The following MGMT variants were observed in gnomAD, a reference collection of about 807,000 sequenced individuals.
MGMT encodes methylated-DNA--protein-cysteine methyltransferase.
In MGMT, 14 loss-of-function variants were observed where a neutral mutation model predicts 15.9. That is an observed-to-expected ratio of 0.88 (90% CI 0.58 to 1.37). The LOEUF (loss-of-function observed/expected upper bound fraction) is 1.37. Ranked by LOEUF, MGMT falls within the 40% of genes most tolerant of loss-of-function variation. The pLI is 0.00. For missense variants in MGMT, 282 were observed against 268.1 expected (o/e 1.05, Z -0.36); for synonymous variants, 130 against 118.2 (o/e 1.10, Z -0.65).
At chr10:129,633,722 CAT>C (rs1384429535) in intron 2 of MGMT, among the ~76,000 whole-genome samples, 20 of 152,318 alleles carry the variant, frequency 1.3e-4, no homozygotes, top group South Asian at 1.2e-3. Context: ...CTTGCATAAA[CAT>C]GTGGTTATAT....
intron 1 of MGMT, among the ~76,000 whole-genome samples, chr10:129,471,457 C>T (rs560854387): frequency 1.3e-5 from 2 of 152,100 alleles, no homozygotes; most frequent in Non-Finnish European, 2.9e-5. Context: ...AAGAGGACTC[C>T]GGTGGGCAGC....
chr10:129,487,101 T>C (rs772757787), intron 1 of MGMT, among the ~76,000 whole-genome samples: 21 of 152,138 alleles, frequency 1.4e-4, no homozygotes, highest in Non-Finnish European at 2.6e-4. Context: ...AGCCTCCTGC[T>C]TGTTGAGATG....
At chr10:129,592,255 T>C (rs1294197880) in intron 2 of MGMT, among the ~76,000 whole-genome samples, 1 of 152,226 alleles carries the variant, frequency 6.6e-6, no homozygotes, top group East Asian at 1.9e-4. Context: ...TATTTGTTGC[T>C]AGTACTGAAT....
chr10:129,583,092 A>G (rs904127498), intron 2 of MGMT, among the ~76,000 whole-genome samples: 1 of 152,188 alleles, frequency 6.6e-6, no homozygotes, highest in African/African-American at 2.4e-5. Context: ...TCCTTCCATA[A>G]CAATGGGGAG....
intron 3 of MGMT, among the ~76,000 whole-genome samples, chr10:129,757,385 T>G (rs1482988778): frequency 6.6e-6 from 1 of 152,180 alleles, no homozygotes; most frequent in African/African-American, 2.4e-5. Context: ...TGTGCTCCGG[T>G]TAGGTTTGCA....
chr10:129,689,528 A>G (rs1305805626), intron 2 of MGMT, among the ~76,000 whole-genome samples: 1 of 152,216 alleles, frequency 6.6e-6, no homozygotes, highest in Non-Finnish European at 1.5e-5. Context: ...TTTGATTCTG[A>G]CTTTAATTCT....
chr10:129,572,758 T>G (rs1846434889), intron 2 of MGMT, among the ~76,000 whole-genome samples: 1 of 152,188 alleles, frequency 6.6e-6, no homozygotes, highest in Non-Finnish European at 1.5e-5. Flanking sequence ...GACTGTGCCA[T>G]TAAGAGTTGT....
intron 2 of MGMT, among the ~76,000 whole-genome samples, chr10:129,652,034 G>A (rs1245128170): frequency 1.3e-5 from 2 of 152,244 alleles, no homozygotes; most frequent in African/African-American, 4.8e-5. Flanking sequence ...GAGTGCCCGA[G>A]AGGAAAGGTT....
chr10:129,580,647 AGCTACAAAAGGATGCT>A lies in MGMT; in HGVS notation c.125+44272_125+44287del, dbSNP rs1846541477. 3.3e-5 allele frequency among the ~76,000 whole-genome samples: 5 copies of A among 152,294 alleles called. No homozygotes were observed. In the South Asian group the frequency reaches 1.0e-3, roughly 32 times the overall value. ...GCCTGGGCTTCTGTCTCTAACCACT[AGCTACAAAAGGATGCT>A]GGACAGACATCCTGTACCTAGGGAC... On this transcript the variant is annotated intron_variant, in intron 2 of 4. Coordinates refer to ENST00000651593, the MANE Select transcript of MGMT (RefSeq NM_002412.5).
intron 1 of MGMT, among the ~76,000 whole-genome samples, chr10:129,485,583 A>G (rs1355428016): frequency 6.6e-6 from 1 of 152,276 alleles, no homozygotes; most frequent in Non-Finnish European, 1.5e-5. Flanking sequence ...CTCAAAGGAA[A>G]TGCTTATTGG....
chr10:129,685,874 A>G (rs1453152472), intron 2 of MGMT, among the ~76,000 whole-genome samples: 1 of 152,230 alleles, frequency 6.6e-6, no homozygotes, highest in African/African-American at 2.4e-5. Flanking sequence ...TTGAATAAGA[A>G]ACGTTTCTAT....
At chr10:129,476,226 C>T (rs1016342029) in intron 1 of MGMT, among the ~76,000 whole-genome samples, 4 of 152,212 alleles carry the variant, frequency 2.6e-5, no homozygotes, top group Non-Finnish European at 5.9e-5. Flanking sequence ...CTCCCAGAGC[C>T]TGGGTCACTT....
intron 1 of MGMT, among the ~76,000 whole-genome samples, chr10:129,519,825 G>A (rs910965308): frequency 2.6e-5 from 4 of 152,160 alleles, no homozygotes; most frequent in African/African-American, 9.7e-5. Flanking sequence ...GCTCGTGGGT[G>A]TTGACTTGTG....
chr10:129,658,038 G>T (rs1162607396), intron 2 of MGMT, among the ~76,000 whole-genome samples: 1 of 152,152 alleles, frequency 6.6e-6, no homozygotes, highest in African/African-American at 2.4e-5. Context: ...ATCTCTGGGG[G>T]TCTTTCAAAA....
At chr10:129,758,817 G>A (rs1007135861) in intron 3 of MGMT, among the ~76,000 whole-genome samples, 2 of 152,146 alleles carry the variant, frequency 1.3e-5, no homozygotes, top group Non-Finnish European at 2.9e-5. Context: ...TTAACCAGCA[G>A]TACAAAAGAT....
intron 2 of MGMT, among the ~76,000 whole-genome samples, chr10:129,703,993 C>T (rs746532325): frequency 9.2e-5 from 14 of 152,064 alleles, no homozygotes; most frequent in Non-Finnish European, 1.5e-4. Flanking sequence ...AGGAGGGAGC[C>T]GGGGCTAACC....
intron 2 of MGMT, among the ~76,000 whole-genome samples, chr10:129,552,025 T>C (rs973462388): frequency 6.6e-6 from 1 of 152,192 alleles, no homozygotes; most frequent in Admixed American, 6.5e-5. Flanking sequence ...TTGGCAGTCA[T>C]GGGACCAGGA....
chr10:129,663,622 A>G (rs550110329), intron 2 of MGMT, among the ~76,000 whole-genome samples: 10 of 152,318 alleles, frequency 6.6e-5, no homozygotes, highest in African/African-American at 2.2e-4. Flanking sequence ...ACACAAATAT[A>G]TAAAATGAGA....
At chr10:129,725,826 TA>T (rs1848427583) in intron 3 of MGMT, among the ~76,000 whole-genome samples, 1 of 152,250 alleles carries the variant, frequency 6.6e-6, no homozygotes. Flanking sequence ...GTCCTCCATG[TA>T]AACTACCGGG....
Sources: allele counts gnomAD v4.1 joint callset (sites outside exome capture counted in the v4.1 genomes callset), GRCh38; gene constraint gnomAD v4.1.1; transcripts MANE v1.5; gene names NCBI Gene and HGNC (gene_info 2026-07-23, HGNC 2026-07-21).